Variants in KDM6A observed in about 807,000 individuals in gnomAD.
KDM6A encodes the protein lysine-specific demethylase 6A.
KDM6A carries 11 observed loss-of-function variants against 117.6 expected under a neutral mutation model. The observed-to-expected ratio is 0.09, with a 90% CI of 0.06 to 0.15. KDM6A has a LOEUF of 0.15. Among genes scored for constraint, KDM6A ranks in the 10% least tolerant of loss-of-function variants. KDM6A has a pLI of 1.00. For missense variants in KDM6A, 799 were observed against 1,077.3 expected (o/e 0.74, Z 3.62); for synonymous variants, 384 against 396.1 (o/e 0.97, Z 0.36).
chrX:44,873,325 A>C lies in KDM6A; in HGVS notation c.-227A>C. ...CTGCCCAACCCCGCGATGTGACCCT[A>C]CAGCCGAAAGCCGCCGCTGCCGACC... On this transcript the variant is annotated 5_prime_UTR_variant, in exon 1 of 30. Transcript: ENST00000611820. 1 of 431,294 alleles carries C rather than the reference A, an allele frequency of 2.3e-6. No individual in the cohort carries two copies. The highest frequency in any genetic ancestry group is 3.9e-6 in the Non-Finnish European group (1 of 256,770). 35.5% of individuals were successfully genotyped at this position (431,294 alleles called of 1,213,427 possible).
chrX:45,055,000 T>TAG lies in KDM6A; in HGVS notation c.875+1046_875+1047dup, dbSNP rs1294716915. On this transcript the variant is annotated intron_variant, in intron 10 of 29. Transcript: ENST00000611820. ...CTACAATGCGCAGGACAGTCCTCTA[T>TAG]AGCAAAGAACTGGCTGGCTCCAAAT... 2.1e-4 allele frequency among the ~76,000 whole-genome samples: 24 copies of TAG among 111,731 alleles called. No homozygotes were observed. The East Asian group carries it at 5.9e-3, about 27-fold the overall frequency.
At chrX:45,089,027 A>C (rs2045777299) in intron 25 of KDM6A, among the ~76,000 whole-genome samples, 1 of 111,882 alleles carries the variant, frequency 8.9e-6, no homozygotes, top group African/African-American at 3.2e-5. Flanking sequence ...TTGTATTGCC[A>C]CAGTGTTCCT....
chrX:44,971,498 T>C (rs1033243227), intron 3 of KDM6A, among the ~76,000 whole-genome samples: 4 of 112,278 alleles, frequency 3.6e-5, no homozygotes, highest in Non-Finnish European at 7.5e-5. Flanking sequence ...ACATTTCATA[T>C]AGAGTTTCAG....
At chrX:45,015,783 G>C (rs964045786) in intron 5 of KDM6A, among the ~76,000 whole-genome samples, 3 of 111,892 alleles carry the variant, frequency 2.7e-5, no homozygotes, top group African/African-American at 9.8e-5. Flanking sequence ...AGGCAGTTCT[G>C]ATAAAGTTAC....
At chrX:45,056,742 G>C (rs1420182707) in intron 10 of KDM6A, among the ~76,000 whole-genome samples, 3 of 111,582 alleles carry the variant, frequency 2.7e-5, no homozygotes, top group Non-Finnish European at 5.7e-5. Context: ...GTTGGAGTGG[G>C]ACATCTGTAT....
chrX:44,884,449 G>T (rs988730579), intron 2 of KDM6A, among the ~76,000 whole-genome samples: 11 of 111,760 alleles, frequency 9.8e-5, no homozygotes, highest in African/African-American at 3.6e-4. Flanking sequence ...CCACTTACTA[G>T]ATGTGTGATC....
At chrX:44,911,521 G>C (rs964020627) in intron 2 of KDM6A, among the ~76,000 whole-genome samples, 2 of 110,518 alleles carry the variant, frequency 1.8e-5, no homozygotes, top group African/African-American at 3.3e-5. Context: ...CGGCCGGGAA[G>C]AGGCGCTCCT....
chrX:45,090,673 A>C, intron 26 of KDM6A, 50 bp from the exon 27 acceptor site: 2 of 1,186,356 alleles, frequency 1.7e-6, no homozygotes. Context: ...GGTTATCTTC[A>C]TATCTTTTGG....
intron 2 of KDM6A, among the ~76,000 whole-genome samples, chrX:44,945,850 T>G (rs1236402091): frequency 9.0e-6 from 1 of 111,632 alleles, no homozygotes; most frequent in East Asian, 2.8e-4. Flanking sequence ...GATACTTAAA[T>G]TTGCCCAATA....
chrX:45,060,257 A>C, intron 13 of KDM6A, 101 bp downstream of exon 13: 1 of 1,123,700 alleles, frequency 8.9e-7, no homozygotes, highest in Non-Finnish European at 1.2e-6. Context: ...GGCTTTTAGT[A>C]ATGAAAAGCC....
intron 27 of KDM6A, among the ~76,000 whole-genome samples, chrX:45,098,960 G>T (rs1389480755): frequency 3.6e-5 from 4 of 111,541 alleles, no homozygotes; most frequent in Non-Finnish European, 7.5e-5. Flanking sequence ...CTTTTACTTT[G>T]AAATTTCTTA....
intron 2 of KDM6A, among the ~76,000 whole-genome samples, chrX:44,896,356 C>T (rs1240890336): frequency 9.0e-6 from 1 of 111,214 alleles, no homozygotes; most frequent in Admixed American, 9.6e-5. Flanking sequence ...GGATTACAGG[C>T]GTGAGTCACC....
chrX:45,105,139 G>A (rs766526884), intron 27 of KDM6A, among the ~76,000 whole-genome samples: 115 of 111,644 alleles, frequency 1.0e-3, no homozygotes, highest in Non-Finnish European at 1.8e-3. Flanking sequence ...GTGATAATAA[G>A]ATGTGAGGAG....
chrX:45,077,376 T>G (rs2045177965), intron 19 of KDM6A, among the ~76,000 whole-genome samples: 1 of 111,539 alleles, frequency 9.0e-6, no homozygotes, highest in African/African-American at 3.2e-5. Flanking sequence ...ACAATTCCTA[T>G]TTCTGTTTCT....
chrX:45,054,897 CATTT>C (rs1429116210), intron 10 of KDM6A, among the ~76,000 whole-genome samples: 2 of 111,689 alleles, frequency 1.8e-5, no homozygotes, highest in Non-Finnish European at 3.8e-5. Context: ...TGTTTAGAGA[CATTT>C]ATTTCTTTCA....
chrX:45,093,240 G>A (rs985162825), intron 27 of KDM6A, among the ~76,000 whole-genome samples: 6 of 107,037 alleles, frequency 5.6e-5, no homozygotes, highest in African/African-American at 2.0e-4. Flanking sequence ...AAAATTAGCC[G>A]GGCATGGTGA....
At chrX:44,877,382 A>G (rs2031764287) in intron 2 of KDM6A, among the ~76,000 whole-genome samples, 1 of 84,022 alleles carries the variant, frequency 1.2e-5, no homozygotes, top group South Asian at 5.1e-4. Flanking sequence ...GATCTTGAAC[A>G]GTGCTCTTGA....
chrX:45,066,767 T>C (rs2044552641), intron 17 of KDM6A, among the ~76,000 whole-genome samples: 2 of 112,028 alleles, frequency 1.8e-5, no homozygotes, highest in Non-Finnish European at 3.8e-5. Flanking sequence ...GTGGGATTCT[T>C]TAAAAACGTA....
chrX:44,985,964 G>A (rs908474492), intron 4 of KDM6A, among the ~76,000 whole-genome samples: 15 of 111,912 alleles, frequency 1.3e-4, no homozygotes, highest in Non-Finnish European at 2.4e-4. Context: ...CTCTTGATTG[G>A]AATAGTTTCA....
Sources: gnomAD v4.1 joint callset for allele counts (sites outside exome capture counted in the v4.1 genomes callset) on GRCh38, gnomAD v4.1.1 for gene constraint, MANE v1.5 for transcripts, NCBI Gene and HGNC (gene_info 2026-07-23, HGNC 2026-07-21) for gene names.